The following SYT16 variants were observed in gnomAD, a reference collection of about 807,000 sequenced individuals.
SYT16 encodes synaptotagmin-16.
A neutral mutation model predicts 61.4 loss-of-function variants in SYT16; 42 were observed. The ratio of observed to expected loss-of-function variants is 0.68; its 90% confidence interval spans 0.53 to 0.89. SYT16 has a LOEUF of 0.89. Among genes scored for constraint, SYT16 ranks in the 40% least tolerant of loss-of-function variants. The probability of loss-of-function intolerance (pLI) is 0.00; values close to 1 mark genes in which losing one functional copy is unlikely to be tolerated. For missense variants in SYT16, 804 were observed against 807.3 expected, an observed-to-expected ratio of 1.00 and a Z score of 0.05; for synonymous variants, 314 against 302.3, an observed-to-expected ratio of 1.04 and a Z score of -0.40.
intron 7 of SYT16, among the ~76,000 whole-genome samples, chr14:62,086,953 C>G (rs185432502): frequency 6.6e-6 from 1 of 152,180 alleles, no homozygotes; most frequent in Non-Finnish European, 1.5e-5. Context: ...AATGCTGGTA[C>G]TTGAGGAAAA....
chr14:62,064,860 A>T (rs2055992004), intron 3 of SYT16, among the ~76,000 whole-genome samples: 1 of 152,190 alleles, frequency 6.6e-6, no homozygotes, highest in Admixed American at 6.5e-5. Flanking sequence ...CTGGCATGTG[A>T]TAAATGCTGC....
intron 1 of SYT16, among the ~76,000 whole-genome samples, chr14:61,953,388 T>A (rs991344427): frequency 3.3e-5 from 5 of 152,080 alleles, no homozygotes; most frequent in African/African-American, 1.2e-4. Flanking sequence ...TTTTTTAATC[T>A]CCTCTTTGAA....
chr14:62,087,057 G>A (rs764734428), intron 7 of SYT16, among the ~76,000 whole-genome samples: 3 of 152,180 alleles, frequency 2.0e-5, no homozygotes, highest in East Asian at 3.8e-4. Flanking sequence ...TTTGGATGTC[G>A]ACGGCCTTGG....
At chr14:61,987,118 G>A (rs1727226535) in intron 2 of SYT16, among the ~76,000 whole-genome samples, 1 of 152,134 alleles carries the variant, frequency 6.6e-6, no homozygotes, top group African/African-American at 2.4e-5. Flanking sequence ...ATGGCGGGGG[G>A]AAAACATTCT....
intron 3 of SYT16, among the ~76,000 whole-genome samples, chr14:62,052,897 C>G (rs2055373213): frequency 6.6e-6 from 1 of 152,170 alleles, no homozygotes; most frequent in African/African-American, 2.4e-5. Context: ...TAAATGTCTG[C>G]TGTTTATAAA....
intron 1 of SYT16, among the ~76,000 whole-genome samples, chr14:61,923,865 C>T (rs2049433506): frequency 6.6e-6 from 1 of 152,060 alleles, no homozygotes. Flanking sequence ...CCTTCAAAAC[C>T]ATGTTGACAA....
At chr14:61,943,542 G>A (rs1178729563) in intron 1 of SYT16, among the ~76,000 whole-genome samples, 1 of 152,168 alleles carries the variant, frequency 6.6e-6, no homozygotes, top group African/African-American at 2.4e-5. Context: ...CCACGATCAA[G>A]TCGGCTTCAT....
At chr14:61,891,690 A>G in intron 1 of SYT16, among the ~76,000 whole-genome samples, 1 of 152,212 alleles carries the variant, frequency 6.6e-6, no homozygotes, top group East Asian at 1.9e-4. Flanking sequence ...AGTGATAGGG[A>G]AAAGAATGAA....
chr14:61,871,909 A>G (rs1340571330), intron 1 of SYT16, among the ~76,000 whole-genome samples: 1 of 152,130 alleles, frequency 6.6e-6, no homozygotes, highest in Non-Finnish European at 1.5e-5. Context: ...TGACCCTACA[A>G]TTTATTATCA....
At chr14:61,902,123 G>C (rs1235212701) in intron 1 of SYT16, among the ~76,000 whole-genome samples, 3 of 152,154 alleles carry the variant, frequency 2.0e-5, no homozygotes, top group Non-Finnish European at 2.9e-5. Flanking sequence ...TGGGTCTAAT[G>C]TTATGTTCCA....
chr14:61,958,018 G>A (rs2050952700), intron 1 of SYT16, among the ~76,000 whole-genome samples: 1 of 151,746 alleles, frequency 6.6e-6, no homozygotes, highest in East Asian at 1.9e-4. Flanking sequence ...CTTGTTTTAG[G>A]TAGGTCGTAT....
At chr14:61,941,016 A>G (rs1262650831) in intron 1 of SYT16, among the ~76,000 whole-genome samples, 1 of 152,162 alleles carries the variant, frequency 6.6e-6, no homozygotes, top group Admixed American at 6.5e-5. Flanking sequence ...AGGACCACTT[A>G]TTTGGAAGCA....
chr14:62,094,080 A>C (rs1238909866), intron 7 of SYT16, among the ~76,000 whole-genome samples: 1 of 152,126 alleles, frequency 6.6e-6, no homozygotes, highest in Non-Finnish European at 1.5e-5. Flanking sequence ...GAATATAACC[A>C]TGATTGAAGG....
intron 1 of SYT16, among the ~76,000 whole-genome samples, chr14:61,877,906 T>A (rs1211650136): frequency 6.6e-6 from 1 of 152,212 alleles, no homozygotes; most frequent in Non-Finnish European, 1.5e-5. Context: ...CCTTAATCCC[T>A]GGGTGTTTCT....
intron 3 of SYT16, among the ~76,000 whole-genome samples, chr14:62,046,208 A>G (rs1055611792): frequency 3.9e-5 from 6 of 152,128 alleles, no homozygotes; most frequent in African/African-American, 1.2e-4. Flanking sequence ...GCCAGTGATG[A>G]TGAGCATTTT....
intron 3 of SYT16, among the ~76,000 whole-genome samples, chr14:62,064,379 G>A (rs914797053): frequency 3.5e-5 from 5 of 144,308 alleles, no homozygotes; most frequent in Non-Finnish European, 6.0e-5. Context: ...GGGAGAGATT[G>A]GAAAATGCTA....
At chr14:61,986,206 T>G (rs2052303024) in intron 2 of SYT16, among the ~76,000 whole-genome samples, 1 of 152,076 alleles carries the variant, frequency 6.6e-6, no homozygotes, top group South Asian at 2.1e-4. Context: ...TGATTATTAT[T>G]GTTATTTATT....
intron 1 of SYT16, among the ~76,000 whole-genome samples, chr14:61,903,869 C>T (rs1164741637): frequency 6.6e-6 from 1 of 152,198 alleles, no homozygotes; most frequent in Non-Finnish European, 1.5e-5. Flanking sequence ...GTAACCACTG[C>T]TGGGATGCTG....
intron 2 of SYT16, among the ~76,000 whole-genome samples, chr14:61,992,967 T>C (rs1393797086): frequency 6.6e-6 from 1 of 152,058 alleles, no homozygotes; most frequent in Non-Finnish European, 1.5e-5. Flanking sequence ...TCAAAATTCA[T>C]TTTTTACAAA....
Sources: gnomAD v4.1 joint callset for allele counts (sites outside exome capture counted in the v4.1 genomes callset) on GRCh38, gnomAD v4.1.1 for gene constraint, MANE v1.5 for transcripts, NCBI Gene and HGNC (gene_info 2026-07-23, HGNC 2026-07-21) for gene names.